The following CAMK4 variants were observed in gnomAD, a reference collection of about 807,000 sequenced individuals.
CAMK4 encodes calcium/calmodulin dependent protein kinase IV.
Under a neutral mutation model 44.9 loss-of-function variants are expected in CAMK4, and 22 were observed. That is an observed-to-expected ratio of 0.49 (90% CI 0.35 to 0.70). The LOEUF (loss-of-function observed/expected upper bound fraction) is 0.70, where lower values mean the gene tolerates loss of function less well. Among genes scored for constraint, CAMK4 ranks in the 30% least tolerant of loss-of-function variants. CAMK4 has a pLI of 0.01. For synonymous variants in CAMK4, 218 were observed against 215.4 expected, an observed-to-expected ratio of 1.01 and a Z score of -0.11; for missense variants, 498 against 586.8, an observed-to-expected ratio of 0.85 and a Z score of 1.56.
Position 111,482,290 on chromosome 5 carries a change from A to G in CAMK4, c.829-495A>G, listed in dbSNP as rs570206370. The G allele has an allele frequency of 2.0e-5, 3 of 152,416 alleles. No individual in the cohort carries two copies. Among genetic ancestry groups the G allele is most frequent in the East Asian group, 3.9e-4 (2 of 5,192 alleles). The allele number at this position is 152,416 out of a possible 1,614,324, so 9.4% of individuals were successfully genotyped here. A position where few individuals can be genotyped will look rare whatever the true frequency, so the allele number is the denominator to read the frequency against. On this transcript the variant is annotated intron_variant, in intron 9 of 10. Coordinates refer to ENST00000282356, the MANE Select transcript of CAMK4 (RefSeq NM_001744.6). The surrounding 1 kb of genome is among the most constrained non-coding windows in gnomAD (Gnocchi z 4.9). ...TACCCTCAAGGGGTTAGAAAGAACTATAAACCCCAAGATAGAAACATAAGG... is the reference window on the plus strand; with the variant it reads ...TACCCTCAAGGGGTTAGAAAGAACTGTAAACCCCAAGATAGAAACATAAGG...
chr5:111,418,412 T>C (rs895076329), intron 5 of CAMK4, among the ~76,000 whole-genome samples: 2 of 151,248 alleles, frequency 1.3e-5, no homozygotes, highest in African/African-American at 4.9e-5. Context: ...TCAGTCACCA[T>C]TGTCATTGAT....
At chr5:111,456,191 T>G (rs1754406348) in intron 7 of CAMK4, among the ~76,000 whole-genome samples, 2 of 151,822 alleles carry the variant, frequency 1.3e-5, no homozygotes, top group Non-Finnish European at 1.5e-5. Flanking sequence ...AGTTTAGAAA[T>G]AAAAACACTC....
At chr5:111,360,865 C>A (rs1425568192) in intron 2 of CAMK4, among the ~76,000 whole-genome samples, 1 of 152,076 alleles carries the variant, frequency 6.6e-6, no homozygotes, top group Non-Finnish European at 1.5e-5. Flanking sequence ...GCAACACTGA[C>A]AAAGAAATTT....
intron 5 of CAMK4, among the ~76,000 whole-genome samples, chr5:111,439,936 T>C (rs1216580172): frequency 2.0e-5 from 3 of 152,054 alleles, no homozygotes; most frequent in Non-Finnish European, 4.4e-5. Context: ...CAGAACAGGG[T>C]ATTGGGTTTG....
chr5:111,442,648 T>G (rs1753869107), intron 5 of CAMK4, among the ~76,000 whole-genome samples: 1 of 149,874 alleles, frequency 6.7e-6, no homozygotes, highest in African/African-American at 2.4e-5. Context: ...TGTTTTCTGT[T>G]AAGCCAGAAA....
chr5:111,349,274 G>T lies in CAMK4; in HGVS notation c.240+5172G>T, dbSNP rs887522086. ...TCTAATTTGCTTGTGATTATCGGTG[G>T]AAATTTAACTTTGTAGTTTGTAAAG... On this transcript the variant is annotated intron_variant, in intron 2 of 10. Transcript: ENST00000282356. Among the ~76,000 whole-genome samples, 6 of 152,028 alleles carry T rather than the reference G, an allele frequency of 3.9e-5. No homozygotes were observed. In the South Asian group the frequency reaches 6.2e-4, roughly 16 times the overall value.
chr5:111,379,000 C>CTCT (rs34027623), intron 4 of CAMK4, among the ~76,000 whole-genome samples: 2 of 2,804 alleles, frequency 7.1e-4, no homozygotes, highest in Admixed American at 4.8e-3. Context: ...CTTTAGCTGA[C>CTCT]TTTTTTATGG....
intron 10 of CAMK4, among the ~76,000 whole-genome samples, chr5:111,483,185 AAT>A (rs746556108): frequency 8.5e-5 from 13 of 152,196 alleles, no homozygotes; most frequent in Non-Finnish European, 1.8e-4. Flanking sequence ...TTACATATCA[AAT>A]ATATTATTGC....
intron 5 of CAMK4, among the ~76,000 whole-genome samples, chr5:111,424,723 A>G (rs901509069): frequency 2.6e-5 from 4 of 151,570 alleles, no homozygotes; most frequent in Admixed American, 6.6e-5. Context: ...CTGGGATTAC[A>G]GGCGTGAGCC....
chr5:111,454,642 A>T (rs140516263), intron 7 of CAMK4, among the ~76,000 whole-genome samples: 3,250 of 122,928 alleles, frequency 0.026, 128 homozygotes, highest in African/African-American at 0.08. Flanking sequence ...AGTAGGTCAC[A>T]CAGACAAAAA....
chr5:111,366,228 A>T (rs1750788566), intron 2 of CAMK4, among the ~76,000 whole-genome samples: 1 of 152,186 alleles, frequency 6.6e-6, no homozygotes, highest in East Asian at 1.9e-4. Flanking sequence ...AAGAAGCCAA[A>T]GACAGAATAC....
At chr5:111,260,730 T>G (rs1311929694) in intron 1 of CAMK4, among the ~76,000 whole-genome samples, 4 of 152,282 alleles carry the variant, frequency 2.6e-5, no homozygotes, top group African/African-American at 7.2e-5. Flanking sequence ...GTTTACTCCC[T>G]TATTTCCTAA....
At chr5:111,243,861 C>T (rs1010979816) in intron 1 of CAMK4, among the ~76,000 whole-genome samples, 40 of 152,182 alleles carry the variant, frequency 2.6e-4, no homozygotes, top group African/African-American at 9.7e-4. Context: ...ATGCAACATG[C>T]ATTCATCTTC....
intron 4 of CAMK4, among the ~76,000 whole-genome samples, chr5:111,383,897 A>G (rs1221374989): frequency 6.6e-6 from 1 of 152,190 alleles, no homozygotes; most frequent in African/African-American, 2.4e-5. Context: ...GAAGCCAGAC[A>G]TGGAAGACTA....
intron 5 of CAMK4, among the ~76,000 whole-genome samples, chr5:111,441,523 G>A (rs1401342327): frequency 6.6e-6 from 1 of 152,118 alleles, no homozygotes; most frequent in Non-Finnish European, 1.5e-5. Flanking sequence ...ACCTTTAGAA[G>A]TAGGGTGCTA....
chr5:111,249,644 A>G (rs34343143), intron 1 of CAMK4, among the ~76,000 whole-genome samples: 47,240 of 111,968 alleles, frequency 0.42, 8,451 homozygotes, highest in African/African-American at 0.51. Context: ...ATATATATAT[A>G]TGTGTGTGTG....
intron 5 of CAMK4, among the ~76,000 whole-genome samples, chr5:111,410,224 C>A (rs1752582157): frequency 6.8e-6 from 1 of 147,678 alleles, no homozygotes; most frequent in African/African-American, 2.5e-5. Context: ...ACCCACAGTT[C>A]CACATGGTTA....
At chr5:111,412,201 A>T (rs1218716019) in intron 5 of CAMK4, among the ~76,000 whole-genome samples, 1 of 152,220 alleles carries the variant, frequency 6.6e-6, no homozygotes, top group Non-Finnish European at 1.5e-5. Flanking sequence ...AAGAGAAAAG[A>T]TGCCACTAAT....
intron 1 of CAMK4, among the ~76,000 whole-genome samples, chr5:111,274,466 T>G (rs1308882968): frequency 6.6e-6 from 1 of 152,208 alleles, no homozygotes; most frequent in Non-Finnish European, 1.5e-5. Flanking sequence ...GAGTGACAAG[T>G]ATGAAACTTT....
Sources: gnomAD v4.1 joint callset for allele counts (sites outside exome capture counted in the v4.1 genomes callset) on GRCh38, gnomAD v4.1.1 for gene constraint, Gnocchi (gnomAD v3.1) non-coding constraint, MANE v1.5 for transcripts, NCBI Gene and HGNC (gene_info 2026-07-23, HGNC 2026-07-21) for gene names.